The following PXDNL variants were observed in gnomAD, a reference collection of about 807,000 sequenced individuals.
The protein encoded by PXDNL is probable oxidoreductase PXDNL.
In PXDNL, 145 loss-of-function variants were observed where a neutral mutation model predicts 150.8. The observed-to-expected ratio is 0.96, with a 90% CI of 0.84 to 1.10. The LOEUF (loss-of-function observed/expected upper bound fraction) is 1.10, where lower values mean the gene tolerates loss of function less well. PXDNL is among the 50% of genes least tolerant of loss of function. The pLI, the probability that PXDNL is intolerant of heterozygous loss-of-function variation, is 0.00. For missense variants in PXDNL, 2,087 were observed against 1,873.9 expected, an observed-to-expected ratio of 1.11 and a Z score of -2.10; for synonymous variants, 757 against 725.7, an observed-to-expected ratio of 1.04 and a Z score of -0.69.
At chr8:51,794,596 A>T (rs2037542921) in intron 1 of PXDNL, among the ~76,000 whole-genome samples, 1 of 152,198 alleles carries the variant, frequency 6.6e-6, no homozygotes, top group South Asian at 2.1e-4. Context: ...AATCCTTTTC[A>T]GACATGCAAA....
chr8:51,435,969 A>G lies in PXDNL; in HGVS notation c.1526-9211T>C, dbSNP rs559697287. ...TAAATGCATCTACTTTGAAGCTAAGAAAAAAACAGGATCTCTTTATGTAGC... is the reference window on the plus strand; with the variant it reads ...TAAATGCATCTACTTTGAAGCTAAGGAAAAAACAGGATCTCTTTATGTAGC... On this transcript the variant is annotated intron_variant, in intron 12 of 22. Transcript: ENST00000356297. 6.2e-4 allele frequency: 317 copies of G among 511,470 alleles called. 1 individual carries two copies. Among genetic ancestry groups the G allele is most frequent in the Middle Eastern group, 9.1e-4 (2 of 2,200 alleles). 31.7% of individuals were successfully genotyped at this position (511,470 alleles called of 1,614,324 possible). A position where few individuals can be genotyped will look rare whatever the true frequency, so the allele number is the denominator to read the frequency against.
chr8:51,682,963 A>G (rs949476871), intron 1 of PXDNL, among the ~76,000 whole-genome samples: 5 of 151,726 alleles, frequency 3.3e-5, no homozygotes, highest in Non-Finnish European at 5.9e-5. Context: ...CCAGAGCGCT[A>G]ATATCTCTTC....
At chr8:51,520,897 T>C (rs773425747) in intron 4 of PXDNL, among the ~76,000 whole-genome samples, 1 of 152,036 alleles carries the variant, frequency 6.6e-6, no homozygotes, top group Non-Finnish European at 1.5e-5. Context: ...ATGACCAAGA[T>C]GTTGACATTT....
chr8:51,553,992 T>C (rs1487371334), intron 4 of PXDNL, among the ~76,000 whole-genome samples: 6 of 152,146 alleles, frequency 3.9e-5, no homozygotes, highest in Admixed American at 2.6e-4. Context: ...TTCAAAGATG[T>C]ATTGTGAGCT....
rs550676257 is a variant in PXDNL at position 51,457,425 on chromosome 8, A to G, written c.982+73T>C. 4.2e-5 allele frequency: 51 copies of G among 1,226,892 alleles called. No individual in the cohort carries two copies. In the East Asian group the frequency reaches 1.2e-3, roughly 29 times the overall value. The allele number at this position is 1,226,892 out of a possible 1,614,324, so 76.0% of individuals were successfully genotyped here. Reference sequence around the variant, plus strand: ...GAATAGTTTCACTTTGAAGTATTACATACTCTAAAGCAGCAATATTAGATC... The same window carrying G: ...GAATAGTTTCACTTTGAAGTATTACGTACTCTAAAGCAGCAATATTAGATC... On this transcript the variant is annotated intron_variant, in intron 9 of 22. Coordinates refer to ENST00000356297, the MANE Select transcript of PXDNL (RefSeq NM_144651.5).
At chr8:51,368,846 A>C (rs919846508) in intron 19 of PXDNL, among the ~76,000 whole-genome samples, 1 of 151,986 alleles carries the variant, frequency 6.6e-6, no homozygotes, top group African/African-American at 2.4e-5. Context: ...AAATACAAAA[A>C]TTAGCCGGGC....
intron 1 of PXDNL, among the ~76,000 whole-genome samples, chr8:51,710,557 T>C (rs1297108518): frequency 6.6e-6 from 1 of 152,210 alleles, no homozygotes; most frequent in African/African-American, 2.4e-5. Context: ...TTTCTCCTAA[T>C]GAAAACTTTG....
intron 3 of PXDNL, among the ~76,000 whole-genome samples, chr8:51,589,191 T>C (rs762568112): frequency 4.1e-4 from 62 of 152,154 alleles, no homozygotes; most frequent in Non-Finnish European, 8.2e-4. Context: ...TCCAGAACCA[T>C]GAGTCGAATA....
At chr8:51,433,937 G>A (rs895731625) in intron 12 of PXDNL, among the ~76,000 whole-genome samples, 9 of 151,922 alleles carry the variant, frequency 5.9e-5, no homozygotes, top group African/African-American at 2.2e-4. Context: ...ATTGCATATA[G>A]AAAATATTTT....
chr8:51,436,753 T>A (rs1809417286), intron 12 of PXDNL, among the ~76,000 whole-genome samples: 1 of 152,004 alleles, frequency 6.6e-6, no homozygotes. Context: ...CACCATGAAG[T>A]CTGAAAGGGC....
intron 1 of PXDNL, among the ~76,000 whole-genome samples, chr8:51,690,533 T>C (rs1452517449): frequency 1.3e-5 from 2 of 152,108 alleles, no homozygotes; most frequent in East Asian, 3.9e-4. Context: ...TATTCCATGG[T>C]GTATATGTGC....
chr8:51,744,308 G>GAAAGAGAA (rs1177770883), intron 1 of PXDNL, among the ~76,000 whole-genome samples: 94 of 143,058 alleles, frequency 6.6e-4, no homozygotes, highest in African/African-American at 2.2e-3. Context: ...AAGAAAGAAA[G>GAAAGAGAA]AGAAAGAAAG....
At chr8:51,804,936 A>G (rs2037659777) in intron 1 of PXDNL, among the ~76,000 whole-genome samples, 1 of 151,294 alleles carries the variant, frequency 6.6e-6, no homozygotes, top group African/African-American at 2.4e-5. Context: ...TCACCTCCAC[A>G]TTGTCCCTAT....
At position 51,386,342 on chromosome 8, in the gene PXDNL, C is replaced by T. The variant is rs143160777; in HGVS notation, c.3558-11611G>A. Reference sequence around the variant, plus strand: ...TCCTGACCTCGTGATCCGCCTGCCTCGGCCTCCCAAAGTGCTGGGATTACA... The same window carrying T: ...TCCTGACCTCGTGATCCGCCTGCCTTGGCCTCCCAAAGTGCTGGGATTACA... On this transcript the variant is annotated intron_variant, in intron 17 of 22. Coordinates refer to ENST00000356297, the MANE Select transcript of PXDNL (RefSeq NM_144651.5). 0.017 allele frequency among the ~76,000 whole-genome samples: 2,616 copies of T among 152,166 alleles called. 172 individuals carry two copies. In the East Asian group the frequency reaches 0.23, roughly 13 times the overall value.
rs559320117 is a variant in PXDNL at position 51,432,957 on chromosome 8, C to T, written c.1526-6199G>A. On this transcript the variant is annotated intron_variant, in intron 12 of 22. Coordinates refer to ENST00000356297, the MANE Select transcript of PXDNL (RefSeq NM_144651.5). ...GCGCAGTGGCTCATGCCTGTAATCC[C>T]AGCACTTTGGGAGGCCAAGGCGGGT... Among the ~76,000 whole-genome samples the T allele has an allele frequency of 9.2e-5, 14 of 151,828 alleles. No individual in the cohort carries two copies. The East Asian group carries it at 2.1e-3, about 23-fold the overall frequency.
At chr8:51,702,380 G>A (rs1816275022) in intron 1 of PXDNL, among the ~76,000 whole-genome samples, 1 of 152,176 alleles carries the variant, frequency 6.6e-6, no homozygotes. Flanking sequence ...AGAATTGAAT[G>A]AGAATAGAGG....
intron 1 of PXDNL, among the ~76,000 whole-genome samples, chr8:51,701,734 G>C (rs948797293): frequency 1.4e-4 from 21 of 152,100 alleles, no homozygotes; most frequent in Non-Finnish European, 2.4e-4. Context: ...ATCTCTGACA[G>C]TCTGATTGCT....
chr8:51,801,499 G>T (rs1272191798), intron 1 of PXDNL, among the ~76,000 whole-genome samples: 1 of 152,130 alleles, frequency 6.6e-6, no homozygotes, highest in Non-Finnish European at 1.5e-5. Flanking sequence ...AAACCTGCTG[G>T]TTTTGTGGCT....
rs984842326 is a variant in PXDNL, at chr8:51,345,892, G to A, written c.3957C>T (p.Arg1319=). ...RAVTQESQKK[R]SAQYSYPVDK... ...CAACAGGATAGCTGTATTGAGCTGA[G>A]CGTTTCTTTTGAGACTCTTGCGTCA... Residue 1319 remains arginine (R), a synonymous_variant, in exon 20 of 23, where the codon CGC becomes CGT. Coordinates refer to ENST00000356297, the MANE Select transcript of PXDNL (RefSeq NM_144651.5). The A allele has an allele frequency of 1.9e-6, 3 of 1,613,862 alleles. No individual in the cohort carries two copies. The highest frequency in any genetic ancestry group is 3.3e-5 in the Admixed American group (2 of 60,014).
Sources: gnomAD v4.1 joint callset for allele counts (sites outside exome capture counted in the v4.1 genomes callset) on GRCh38, gnomAD v4.1.1 for gene constraint, MANE v1.5 for transcripts, NCBI Gene and HGNC (gene_info 2026-07-23, HGNC 2026-07-21) for gene names.